FAXC: variants seen among roughly 807,000 people sequenced by gnomAD.
FAXC encodes failed axon connections homolog.
Under a neutral mutation model 41.9 loss-of-function variants are expected in FAXC, and 10 were observed. That is an observed-to-expected ratio of 0.24 (90% CI 0.15 to 0.41). The LOEUF is 0.41. FAXC is among the 10% of genes least tolerant of loss of function. The pLI, the probability that FAXC is intolerant of heterozygous loss-of-function variation, is 1.00. For synonymous variants in FAXC, 183 were observed against 183.8 expected (o/e 1.00, Z 0.03); for missense variants, 399 against 510.9 (o/e 0.78, Z 2.11).
intron 2 of FAXC, among the ~76,000 whole-genome samples, chr6:99,334,200 A>G (rs1378287251): frequency 1.3e-5 from 2 of 152,232 alleles, no homozygotes; most frequent in African/African-American, 4.8e-5. Flanking sequence ...GGTAGAGAGA[A>G]TAACGGGGAT....
At chr6:99,297,577 G>T (rs1036619182) in intron 4 of FAXC, among the ~76,000 whole-genome samples, 25 of 152,124 alleles carry the variant, frequency 1.6e-4, no homozygotes, top group Non-Finnish European at 2.9e-4. Flanking sequence ...CAGCATAACT[G>T]AGGAAGTGCT....
At chr6:99,321,253 A>G (rs1772577600) in intron 4 of FAXC, among the ~76,000 whole-genome samples, 1 of 152,166 alleles carries the variant, frequency 6.6e-6, no homozygotes, top group South Asian at 2.1e-4. Flanking sequence ...ATTGATAACT[A>G]ATGTATCCTG....
intron 5 of FAXC, among the ~76,000 whole-genome samples, chr6:99,289,249 C>A (rs1323605205): frequency 3.3e-5 from 5 of 152,184 alleles, no homozygotes; most frequent in Non-Finnish European, 7.3e-5. Context: ...CAAACAGTTC[C>A]CATGCAACTA....
intron 4 of FAXC, among the ~76,000 whole-genome samples, chr6:99,303,188 T>G (rs1375725302): frequency 1.3e-5 from 2 of 152,206 alleles, no homozygotes; most frequent in African/African-American, 4.8e-5. Flanking sequence ...TATGCCCTGA[T>G]GGTCTCATCA....
At chr6:99,288,423 G>T (rs2128448546) in intron 5 of FAXC, among the ~76,000 whole-genome samples, 1 of 152,214 alleles carries the variant, frequency 6.6e-6, no homozygotes, top group East Asian at 1.9e-4. Context: ...TATGGTAGGA[G>T]AACGGAGGGA....
chr6:99,312,552 A>G (rs1772191194), intron 4 of FAXC, among the ~76,000 whole-genome samples: 1 of 152,220 alleles, frequency 6.6e-6, no homozygotes, highest in African/African-American at 2.4e-5. Flanking sequence ...TCAGACTCCC[A>G]GCTGAAGAAA....
intron 4 of FAXC, among the ~76,000 whole-genome samples, chr6:99,311,380 G>T (rs1458807994): frequency 6.6e-6 from 1 of 152,120 alleles, no homozygotes; most frequent in East Asian, 1.9e-4. Context: ...TTCGAGACCA[G>T]CCTGGCCAAG....
At chr6:99,314,866 T>C (rs944167835) in intron 4 of FAXC, among the ~76,000 whole-genome samples, 41 of 152,128 alleles carry the variant, frequency 2.7e-4, no homozygotes, top group South Asian at 1.9e-3. Flanking sequence ...TTCTACTCAC[T>C]GTCCCACCCT....
intron 2 of FAXC, among the ~76,000 whole-genome samples, chr6:99,341,938 C>A (rs551711370): frequency 6.6e-6 from 1 of 152,082 alleles, no homozygotes; most frequent in Admixed American, 6.5e-5. Context: ...TTCCATATGG[C>A]TAGAACTTGG....
rs574942913 is a variant in FAXC at position 99,338,041 on chromosome 6, A to G, written c.403-4494T>C. Among the ~76,000 whole-genome samples the G allele has an allele frequency of 5.9e-5, 9 of 152,218 alleles. No homozygotes were observed. In the East Asian group the frequency reaches 1.5e-3, roughly 26 times the overall value. On this transcript the variant is annotated intron_variant, in intron 2 of 5. Coordinates refer to ENST00000389677, the MANE Select transcript of FAXC (RefSeq NM_032511.4). ...ACTCCCCAGCACTCCCCAGACACCC[A>G]CTGCATCAGTACAAATCCCCACTAA...
At position 99,281,115 on chromosome 6, in the gene FAXC, G is replaced by A. The variant is rs1290555686; in HGVS notation, c.*49C>T. 28 of 890,474 alleles carry A rather than the reference G, an allele frequency of 3.1e-5. No homozygotes were observed. The highest frequency in any genetic ancestry group is 4.9e-5 in the Non-Finnish European group (26 of 527,092). 55.2% of individuals were successfully genotyped at this position (890,474 alleles called of 1,614,324 possible). A position where few individuals can be genotyped will look rare whatever the true frequency, so the allele number is the denominator to read the frequency against. ...GGATTGCTACCTGGGAAAATGGACC[G>A]ACCCAGGGAGTGGCAGGTCCCAAGG... is the stretch of plus-strand genomic sequence containing the variant. On this transcript the variant is annotated 3_prime_UTR_variant, in exon 6 of 6. Coordinates refer to ENST00000389677, the MANE Select transcript of FAXC (RefSeq NM_032511.4).
chr6:99,311,472 G>A (rs761154610), intron 4 of FAXC, among the ~76,000 whole-genome samples: 15 of 152,216 alleles, frequency 9.9e-5, no homozygotes, highest in Non-Finnish European at 2.9e-5. Context: ...CTACTCGGGA[G>A]GCTGAGGCAG....
At chr6:99,293,217 A>C (rs1297320166) in intron 4 of FAXC, among the ~76,000 whole-genome samples, 1 of 152,178 alleles carries the variant, frequency 6.6e-6, no homozygotes. Context: ...TGCATTATAC[A>C]TTGCCTCCAA....
In FAXC at chr6:99,349,269, G is replaced by A; in HGVS notation, c.104C>T (p.Pro35Leu). The A allele has an allele frequency of 1.2e-6, 2 of 1,613,670 alleles. No homozygotes were observed. The highest frequency in any genetic ancestry group is 1.7e-6 in the Non-Finnish European group (2 of 1,180,016). ...FFGWWAGSEEPFSFYGDIIAF... is the reference protein window; with the variant it reads ...FFGWWAGSEELFSFYGDIIAF... Reference sequence around the variant, plus strand: ...GATGATGTCCCCATAAAAGGAGAAGGGCTCCTCGGACCCGGCCCACCAGCC... The same window carrying A: ...GATGATGTCCCCATAAAAGGAGAAGAGCTCCTCGGACCCGGCCCACCAGCC... Residue 35 changes from proline to leucine, a missense_variant, in exon 1 of 6, where the codon CCC (proline) becomes CTC (leucine). By Grantham distance (98) the Pro-to-Leu change is moderately conservative. Coordinates refer to ENST00000389677, the MANE Select transcript of FAXC (RefSeq NM_032511.4).
chr6:99,318,394 A>G (rs1772458808), intron 4 of FAXC, among the ~76,000 whole-genome samples: 1 of 152,174 alleles, frequency 6.6e-6, no homozygotes, highest in Non-Finnish European at 1.5e-5. Context: ...AAACATATGC[A>G]CCAAAATGGT....
At position 99,278,181 on chromosome 6, in the gene FAXC, T is replaced by C. The variant is rs1770698194; in HGVS notation, c.*2983A>G. The C allele has an allele frequency of 2.0e-5, 3 of 152,148 alleles. No individual in the cohort carries two copies. Among genetic ancestry groups the C allele is most frequent in the Admixed American group, 2.0e-4 (3 of 15,262 alleles). 9.4% of individuals were successfully genotyped at this position (152,148 alleles called of 1,614,324 possible). A position where few individuals can be genotyped will look rare whatever the true frequency, so the allele number is the denominator to read the frequency against. ...CAATTCATTATGTAACAACAACAAA[T>C]TGGTAAATGCTGACAATATAGTTCA... On this transcript the variant is annotated 3_prime_UTR_variant, in exon 6 of 6. Coordinates refer to ENST00000389677, the MANE Select transcript of FAXC (RefSeq NM_032511.4).
chr6:99,290,688 C>T (rs1771207081), intron 5 of FAXC, among the ~76,000 whole-genome samples: 1 of 151,276 alleles, frequency 6.6e-6, no homozygotes, highest in Admixed American at 6.6e-5. Context: ...GGTGACAGAG[C>T]AAGACCCTGT....
chr6:99,311,857 C>T (rs1772170403), intron 4 of FAXC, among the ~76,000 whole-genome samples: 1 of 152,100 alleles, frequency 6.6e-6, no homozygotes, highest in South Asian at 2.1e-4. Context: ...GTCTCTTCTC[C>T]CCTCCCTCTT....
At chr6:99,298,194 T>C (rs1176863981) in intron 4 of FAXC, among the ~76,000 whole-genome samples, 1 of 151,826 alleles carries the variant, frequency 6.6e-6, no homozygotes, top group African/African-American at 2.4e-5. Flanking sequence ...ATCATTGGTC[T>C]TAAACTTGAG....
Sources: allele counts gnomAD v4.1 joint callset (sites outside exome capture counted in the v4.1 genomes callset), GRCh38; gene constraint gnomAD v4.1.1; transcripts MANE v1.5; gene names NCBI Gene and HGNC (gene_info 2026-07-23, HGNC 2026-07-21).